The following FTCDNL1 variants were observed in gnomAD, a reference collection of about 807,000 sequenced individuals.
The protein encoded by FTCDNL1 is formiminotransferase N-terminal subdomain-containing protein.
A neutral mutation model predicts 5.9 loss-of-function variants in FTCDNL1; 11 were observed. That is an observed-to-expected ratio of 1.87 (90% CI 1.18 to 3.10). FTCDNL1 has a LOEUF of 3.10. Among genes scored for constraint, FTCDNL1 ranks in the 30% most tolerant of loss-of-function variants. The pLI is 0.00. For synonymous variants in FTCDNL1, 58 were observed against 24.8 expected (o/e 2.34, Z -3.99); for missense variants, 115 against 65.5 (o/e 1.76, Z -2.61).
chr2:199,676,226 C>A, the FTCDNL1 span, among the ~76,000 whole-genome samples: 1 of 152,142 alleles, frequency 6.6e-6, no homozygotes, highest in Non-Finnish European at 1.5e-5. Flanking sequence ...GAGAGACAAC[C>A]GGAAGTCTCC....
chr2:199,800,784 C>T (rs947825466), intron 3 of FTCDNL1, among the ~76,000 whole-genome samples: 2 of 152,166 alleles, frequency 1.3e-5, no homozygotes, highest in African/African-American at 4.8e-5. Flanking sequence ...ATGGGACATA[C>T]TTGTTCTTGA....
rs1700997805 is a variant in FTCDNL1 at position 199,810,895 on chromosome 2, A to G, written c.*1810T>C. ...CTTATTGCTCCTGATGTCAGCATCC[A>G]TCAGAGAAATGCCTTCTGGGTTCAC... On this transcript the variant is annotated 3_prime_UTR_variant, in exon 5 of 5. Transcript: ENST00000420128. Among the ~76,000 whole-genome samples the G allele has an allele frequency of 6.6e-6, 1 of 152,178 alleles. No individual in the cohort carries two copies. The highest frequency in any genetic ancestry group is 1.5e-5 in the Non-Finnish European group (1 of 68,016).
At chr2:199,786,984 C>T (rs889971858) in intron 3 of FTCDNL1, among the ~76,000 whole-genome samples, 1 of 152,158 alleles carries the variant, frequency 6.6e-6, no homozygotes, top group African/African-American at 2.4e-5. Context: ...AGGCTGCCCT[C>T]TTTCCCTGGC....
chr2:199,810,935 C>T lies in FTCDNL1; in HGVS notation c.*1770G>A, dbSNP rs1242450336. Among the ~76,000 whole-genome samples the T allele has an allele frequency of 2.0e-5, 3 of 152,184 alleles. No homozygotes were observed. The highest frequency in any genetic ancestry group is 3.8e-4 in the East Asian group (2 of 5,204). On this transcript the variant is annotated 3_prime_UTR_variant, in exon 5 of 5. Transcript: ENST00000420128. ...TCTGGGTTCACTTTTCCCTAGACTA[C>T]GATGGTTTGGGGGCTTTGTTGCCTA...
chr2:199,765,509 G>A (rs1188207370), intron 3 of FTCDNL1, among the ~76,000 whole-genome samples: 3 of 133,154 alleles, frequency 2.3e-5, no homozygotes, highest in Non-Finnish European at 3.2e-5. Context: ...CTACTACCAC[G>A]TGGCATCTCT....
chr2:199,772,204 G>A (rs1480184724), intron 3 of FTCDNL1, among the ~76,000 whole-genome samples: 3 of 152,172 alleles, frequency 2.0e-5, no homozygotes, highest in Non-Finnish European at 2.9e-5. Flanking sequence ...TCTGGAGCAG[G>A]ACAAAGCAGG....
intron 3 of FTCDNL1, among the ~76,000 whole-genome samples, chr2:199,837,984 C>T (rs907976309): frequency 5.9e-5 from 9 of 152,164 alleles, no homozygotes; most frequent in Admixed American, 2.0e-4. Flanking sequence ...CTATTTTCAC[C>T]GTCAAGGCAT....
At chr2:199,697,465 G>A in the FTCDNL1 span, among the ~76,000 whole-genome samples, 1 of 152,026 alleles carries the variant, frequency 6.6e-6, no homozygotes, top group African/African-American at 2.4e-5. Flanking sequence ...AAGAGGTTGG[G>A]GGTCCACATT....
At chr2:199,690,348 T>C in the FTCDNL1 span, among the ~76,000 whole-genome samples, 1 of 152,212 alleles carries the variant, frequency 6.6e-6, no homozygotes, top group Non-Finnish European at 1.5e-5. Flanking sequence ...GTCCTGAACA[T>C]GACACCTGAG....
At chr2:199,683,700 T>G in the FTCDNL1 span, among the ~76,000 whole-genome samples, 1 of 152,118 alleles carries the variant, frequency 6.6e-6, no homozygotes, top group Non-Finnish European at 1.5e-5. Flanking sequence ...AAATGTATTT[T>G]GCATTTACGA....
chr2:199,776,865 G>A (rs1699102064), intron 3 of FTCDNL1, among the ~76,000 whole-genome samples: 1 of 151,660 alleles, frequency 6.6e-6, no homozygotes, highest in African/African-American at 2.4e-5. Context: ...ACATATATGT[G>A]TCTATGTATA....
chr2:199,787,403 C>T (rs905782796), intron 3 of FTCDNL1, among the ~76,000 whole-genome samples: 1 of 151,994 alleles, frequency 6.6e-6, no homozygotes, highest in Non-Finnish European at 1.5e-5. Flanking sequence ...AGGCTGGTCT[C>T]GAACTCCTGG....
the FTCDNL1 span, among the ~76,000 whole-genome samples, chr2:199,739,120 GTA>G: frequency 2.6e-5 from 4 of 152,332 alleles, no homozygotes; most frequent in Non-Finnish European, 4.4e-5. Flanking sequence ...TCCTTAAAGT[GTA>G]TGTCTCTCAT....
chr2:199,783,409 G>C (rs766361728), intron 3 of FTCDNL1, among the ~76,000 whole-genome samples: 5 of 152,068 alleles, frequency 3.3e-5, no homozygotes, highest in Non-Finnish European at 7.4e-5. Flanking sequence ...ATAAGTTCTC[G>C]TATACATCTT....
chr2:199,759,139 G>GTATATATATATATATATATATATATATA (rs372109443), downstream of FTCDNL1, among the ~76,000 whole-genome samples: 2 of 151,030 alleles, frequency 1.3e-5, no homozygotes, highest in African/African-American at 4.9e-5. Flanking sequence ...ATATTTGTGT[G>GTATATATATATATATATATATATATATA]TGTATATATA....
the FTCDNL1 span, among the ~76,000 whole-genome samples, chr2:199,751,953 A>G: frequency 6.6e-6 from 1 of 151,970 alleles, no homozygotes; most frequent in African/African-American, 2.4e-5. Flanking sequence ...GCTGACATTT[A>G]TCTACTGCTT....
chr2:199,833,858 T>C (rs543395479), intron 3 of FTCDNL1, among the ~76,000 whole-genome samples: 3 of 152,298 alleles, frequency 2.0e-5, no homozygotes, highest in African/African-American at 7.2e-5. Flanking sequence ...ACCTTTCAGA[T>C]AACGACCATT....
chr2:199,779,571 C>G (rs1043872549), intron 3 of FTCDNL1, among the ~76,000 whole-genome samples: 2 of 152,192 alleles, frequency 1.3e-5, no homozygotes, highest in African/African-American at 4.8e-5. Context: ...AACCAAAGGG[C>G]TCCCCTACAC....
chr2:199,743,311 AAG>A, the FTCDNL1 span, among the ~76,000 whole-genome samples: 2 of 152,210 alleles, frequency 1.3e-5, no homozygotes, highest in African/African-American at 4.8e-5. Flanking sequence ...AGCCCCTCGA[AAG>A]ACTCTCAGGA....
Sources: gnomAD v4.1 joint callset for allele counts (sites outside exome capture counted in the v4.1 genomes callset) on GRCh38, gnomAD v4.1.1 for gene constraint, MANE v1.5 for transcripts, NCBI Gene and HGNC (gene_info 2026-07-23, HGNC 2026-07-21) for gene names.